Variants in TMEFF2 observed in about 807,000 individuals in gnomAD.
TMEFF2 encodes the protein transmembrane protein with EGF like and two follistatin like domains 2.
TMEFF2 carries 28 observed loss-of-function variants against 53.8 expected under a neutral mutation model. The observed-to-expected ratio is 0.52, with a 90% CI of 0.39 to 0.71. TMEFF2 has a LOEUF of 0.71. TMEFF2 is among the 30% of genes least tolerant of loss of function. The pLI, the probability that TMEFF2 is intolerant of heterozygous loss-of-function variation, is 0.00. For synonymous variants in TMEFF2, 162 were observed against 166.3 expected (o/e 0.97, Z 0.20); for missense variants, 353 against 455.2 (o/e 0.78, Z 2.04).
At chr2:192,085,035 T>C (rs1688637178) in intron 4 of TMEFF2, among the ~76,000 whole-genome samples, 1 of 152,188 alleles carries the variant, frequency 6.6e-6, no homozygotes, top group Non-Finnish European at 1.5e-5. Context: ...AGCAAAGGTT[T>C]AGCTTCTTTT....
At chr2:192,112,271 G>C (rs192428382) in intron 4 of TMEFF2, among the ~76,000 whole-genome samples, 3 of 152,280 alleles carry the variant, frequency 2.0e-5, no homozygotes, top group East Asian at 1.9e-4. Context: ...AAGCAACAGG[G>C]GCAGAGCTGC....
chr2:192,142,056 T>C (rs1315435453), intron 4 of TMEFF2, among the ~76,000 whole-genome samples: 1 of 151,934 alleles, frequency 6.6e-6, no homozygotes, highest in Non-Finnish European at 1.5e-5. Context: ...AATAATCCAT[T>C]AGAATATTTT....
chr2:192,193,801 GAGA>G (rs2106054811), intron 1 of TMEFF2, among the ~76,000 whole-genome samples: 1 of 145,292 alleles, frequency 6.9e-6, no homozygotes, highest in South Asian at 2.2e-4. Context: ...GAGAGAGAGA[GAGA>G]GAGAAATTCT....
intron 4 of TMEFF2, among the ~76,000 whole-genome samples, chr2:192,130,673 T>A (rs1307775435): frequency 6.6e-6 from 1 of 151,876 alleles, no homozygotes; most frequent in Non-Finnish European, 1.5e-5. Flanking sequence ...TCCATTACCT[T>A]CCCAAATCCT....
At chr2:192,139,433 A>T (rs1690087115) in intron 4 of TMEFF2, among the ~76,000 whole-genome samples, 1 of 152,224 alleles carries the variant, frequency 6.6e-6, no homozygotes, top group South Asian at 2.1e-4. Flanking sequence ...AGCAAAGATT[A>T]TGAGAGCATT....
chr2:191,960,323 ATTC>A (rs1217051680), intron 7 of TMEFF2, among the ~76,000 whole-genome samples: 3 of 152,246 alleles, frequency 2.0e-5, no homozygotes, highest in Non-Finnish European at 4.4e-5. Context: ...TTGTCTAGTC[ATTC>A]TTAAAATAAT....
chr2:192,143,095 G>C (rs1462182062), intron 4 of TMEFF2, among the ~76,000 whole-genome samples: 13 of 152,152 alleles, frequency 8.5e-5, no homozygotes, highest in Admixed American at 8.5e-4. Context: ...ACAACTATTA[G>C]AGAAATTAAC....
chr2:192,145,281 T>C (rs2105994024), intron 4 of TMEFF2, among the ~76,000 whole-genome samples: 1 of 152,124 alleles, frequency 6.6e-6, no homozygotes, highest in South Asian at 2.1e-4. Flanking sequence ...TGATTATGTA[T>C]TCTATAAATT....
At chr2:191,970,147 T>C (rs568567695) in intron 7 of TMEFF2, among the ~76,000 whole-genome samples, 19 of 152,300 alleles carry the variant, frequency 1.2e-4, no homozygotes, top group African/African-American at 3.8e-4. Context: ...ATTTCCGTGT[T>C]GTCCCTCTAT....
At chr2:191,962,604 A>C (rs901998083) in intron 7 of TMEFF2, among the ~76,000 whole-genome samples, 5 of 152,348 alleles carry the variant, frequency 3.3e-5, no homozygotes, top group East Asian at 3.9e-4. Context: ...ATATATTTAC[A>C]TAGATAAATA....
chr2:192,014,007 ATT>A (rs2105852665), intron 5 of TMEFF2, among the ~76,000 whole-genome samples: 1 of 152,358 alleles, frequency 6.6e-6, no homozygotes, highest in Non-Finnish European at 1.5e-5. Context: ...ATCAATGCAT[ATT>A]GTTTTGCTCC....
At chr2:192,034,418 A>G (rs1196563152) in intron 5 of TMEFF2, among the ~76,000 whole-genome samples, 1 of 152,080 alleles carries the variant, frequency 6.6e-6, no homozygotes, top group Non-Finnish European at 1.5e-5. Flanking sequence ...TCACTCCTCC[A>G]TGGGGAAAAA....
intron 4 of TMEFF2, among the ~76,000 whole-genome samples, chr2:192,107,927 T>C (rs1324698642): frequency 4.6e-5 from 7 of 150,768 alleles, no homozygotes; most frequent in Non-Finnish European, 8.9e-5. Flanking sequence ...TCTAATTCTA[T>C]ACAAAGATAG....
At chr2:192,121,749 C>T (rs1296855553) in intron 4 of TMEFF2, among the ~76,000 whole-genome samples, 5 of 152,088 alleles carry the variant, frequency 3.3e-5, no homozygotes, top group Admixed American at 1.3e-4. Flanking sequence ...TCTAGCAGAA[C>T]AGTAACACAA....
At chr2:192,153,168 TAG>T (rs1690428570) in intron 4 of TMEFF2, among the ~76,000 whole-genome samples, 1 of 151,634 alleles carries the variant, frequency 6.6e-6, no homozygotes, top group Non-Finnish European at 1.5e-5. Flanking sequence ...AAATATATAC[TAG>T]ACCTTTTAAA....
chr2:192,033,485 A>G (rs182808357), intron 5 of TMEFF2, among the ~76,000 whole-genome samples: 15 of 151,552 alleles, frequency 9.9e-5, no homozygotes, highest in Non-Finnish European at 2.1e-4. Context: ...TCAGCTCTTA[A>G]TTAGACTGCT....
chr2:192,003,940 T>C (rs1686433822), intron 5 of TMEFF2, among the ~76,000 whole-genome samples: 33 of 132,468 alleles, frequency 2.5e-4, no homozygotes, highest in Admixed American at 3.0e-4. Context: ...GGGGGGGGGC[T>C]CACACTCACC....
At chr2:192,006,387 C>CA (rs536036780) in intron 5 of TMEFF2, among the ~76,000 whole-genome samples, 74 of 151,778 alleles carry the variant, frequency 4.9e-4, no homozygotes, top group Non-Finnish European at 8.7e-4. Context: ...CCAGGACTTC[C>CA]AAAAAACGGA....
At chr2:192,132,920 T>C (rs1342399828) in intron 4 of TMEFF2, among the ~76,000 whole-genome samples, 1 of 152,182 alleles carries the variant, frequency 6.6e-6, no homozygotes, top group Non-Finnish European at 1.5e-5. Flanking sequence ...GAAAGCCCCG[T>C]AGACCATCAC....
Sources: allele counts gnomAD v4.1 joint callset (sites outside exome capture counted in the v4.1 genomes callset), GRCh38; gene constraint gnomAD v4.1.1; transcripts MANE v1.5; gene names NCBI Gene and HGNC (gene_info 2026-07-23, HGNC 2026-07-21).